Variants in CDH15 observed in about 807,000 individuals in gnomAD.
CDH15 encodes cadherin-15.
In CDH15, 73 loss-of-function variants were observed where a neutral mutation model predicts 69.4. The ratio of observed to expected loss-of-function variants is 1.05; its 90% confidence interval spans 0.87 to 1.28. The LOEUF is 1.28. Ranked by LOEUF, CDH15 falls within the 50% of genes most tolerant of loss-of-function variation. The pLI is 0.00. For synonymous variants in CDH15, 624 were observed against 507.7 expected (o/e 1.23, Z -3.08); for missense variants, 1,343 against 1,133.6 (o/e 1.18, Z -2.65).
intron 5 of CDH15, chr16:89,185,598 G>T (rs1054045812): frequency 3.7e-6 from 2 of 544,990 alleles, no homozygotes; most frequent in East Asian, 6.3e-5. Flanking sequence ...AAGCAGCCCC[G>T]CCCCTCTCAG....
Position 89,195,167 on chromosome 16 carries a change from A to C in CDH15, c.*12A>C. On this transcript the variant is annotated 3_prime_UTR_variant, in exon 14 of 14. Transcript: ENST00000289746. ...GCCGGACAGCCTGACCCTGGGGCGCAACTGGACATGCCACTCCCCGGCCTC... is the reference window on the plus strand; with the variant it reads ...GCCGGACAGCCTGACCCTGGGGCGCCACTGGACATGCCACTCCCCGGCCTC... 6.4e-7 allele frequency: 1 copy of C among 1,566,878 alleles called. No homozygotes were observed. Among genetic ancestry groups the C allele is most frequent in the Non-Finnish European group, 8.6e-7 (1 of 1,156,822 alleles).
chr16:89,180,974 C>CTTTTTTTTTTTTTTTTTTTTTTTTTTTT lies in CDH15; in HGVS notation c.357+632_357+633insTTTTTTTTTTTTTTTTTTTTTTTTTTTT, dbSNP rs770080908. ...TCCTGAGTGAGCCACCGCGCCCGAC[C>CTTTTTTTTTTTTTTTTTTTTTTTTTTTT]TTTTTTTTTTTTTGAGATGGAGCTT... On this transcript the variant is annotated intron_variant, in intron 3 of 13. Transcript: ENST00000289746. Among the ~76,000 whole-genome samples the CTTTTTTTTTTTTTTTTTTTTTTTTTTTT allele has an allele frequency of 1.1e-4, 11 of 96,996 alleles. 2 individuals are homozygous for CTTTTTTTTTTTTTTTTTTTTTTTTTTTT. The highest frequency in any genetic ancestry group is 4.7e-4 in the African/African-American group (11 of 23,450). The allele number at this position is 96,996 out of a possible 152,430, so 63.6% of individuals were successfully genotyped here.
In CDH15 at chr16:89,171,970, TG is replaced by T; in HGVS notation, c.42+99del. On this transcript the variant is annotated intron_variant, in intron 1 of 13. Transcript: ENST00000289746. Reference sequence around the variant, plus strand: ...CCGCACAGGTCTCCCCCAGAACCACTGGCCCTGGTCGCCTTTGGGGGCCTGT... The same window carrying T: ...CCGCACAGGTCTCCCCCAGAACCACTGCCCTGGTCGCCTTTGGGGGCCTGT... 7 of 1,328,328 alleles carry T rather than the reference TG, an allele frequency of 5.3e-6. No individual in the cohort carries two copies. The South Asian group carries it at 6.3e-5, about 12-fold the overall frequency. 82.3% of individuals were successfully genotyped at this position (1,328,328 alleles called of 1,614,324 possible). A position where few individuals can be genotyped will look rare whatever the true frequency, so the allele number is the denominator to read the frequency against.
intron 10 of CDH15, 30 bp from the exon 11 acceptor site, chr16:89,192,175 G>A (rs1288826391): frequency 2.0e-6 from 3 of 1,511,948 alleles, no homozygotes; most frequent in African/African-American, 1.4e-5. Context: ...GCCTCGGGAG[G>A]CCCTCGCTCA....
At chr16:89,185,359 C>T (rs1915460795) in intron 5 of CDH15, 26 bp downstream of exon 5, 2 of 1,575,788 alleles carry the variant, frequency 1.3e-6, no homozygotes, top group Non-Finnish European at 1.7e-6. Flanking sequence ...GGCAGCTCCA[C>T]ACCCGCACGG....
chr16:89,189,241 GCA>G (rs1258095746), intron 7 of CDH15, among the ~76,000 whole-genome samples: 2 of 115,794 alleles, frequency 1.7e-5, no homozygotes, highest in African/African-American at 3.3e-5. Context: ...ACAGATGCTG[GCA>G]CACACAGATG....
chr16:89,187,540 G>A lies in CDH15; in HGVS notation c.775G>A (p.Glu259Lys), dbSNP rs1432930737. The change falls in exon 6 of 14, where the codon GAG (glutamate) becomes AAG (lysine). Residue 259 changes from glutamate (E) to lysine (K), a missense_variant. Physicochemically the swap from Glu to Lys is moderately conservative, Grantham distance 56. Coordinates refer to ENST00000289746, the MANE Select transcript of CDH15 (RefSeq NM_004933.3). The part of the protein sequence containing the change: ...TLDDINDNAP[E>K]FTRDEFFMEA... ...TGATGACATCAATGACAATGCCCCC[G>A]AGTTCACCAGGGATGAGGTGCTGCT... 23 of 1,613,480 alleles carry A rather than the reference G, an allele frequency of 1.4e-5. No individual in the cohort carries two copies. Among genetic ancestry groups the A allele is most frequent in the African/African-American group, 2.7e-5 (2 of 74,946 alleles).
Position 89,191,373 on chromosome 16 carries a change from G to T in CDH15, c.1276G>T (p.Ala426Ser). The T allele has an allele frequency of 3.7e-6, 6 of 1,612,112 alleles. No individual in the cohort carries two copies. Among genetic ancestry groups the T allele is most frequent in the East Asian group, 2.2e-5 (1 of 44,884 alleles). Residue 426 changes from alanine (A) to serine (S), a missense_variant, in exon 9 of 14, where the codon GCA becomes TCA. Coordinates refer to ENST00000289746, the MANE Select transcript of CDH15 (RefSeq NM_004933.3). Reference sequence around the variant, plus strand: ...CCCGGAAGACTGGCTGCAAGTGGACGCAGCCACTGGCCGGATCCAGACCCA... The same window carrying T: ...CCCGGAAGACTGGCTGCAAGTGGACTCAGCCACTGGCCGGATCCAGACCCA... ...YDPEDWLQVD[A>S]ATGRIQTQHV...
chr16:89,180,444 G>A (rs1254095708), intron 3 of CDH15, 89 bp downstream of exon 3: 27 of 1,412,724 alleles, frequency 1.9e-5, no homozygotes, highest in African/African-American at 9.9e-5. Context: ...TCTCCTCCCC[G>A]CTCGGTGGGC....
At chr16:89,181,902 G>A (rs1484627124) in intron 3 of CDH15, among the ~76,000 whole-genome samples, 1 of 150,992 alleles carries the variant, frequency 6.6e-6, no homozygotes, top group African/African-American at 2.4e-5. Flanking sequence ...CCTCGCCACT[G>A]CACTCCAGCC....
chr16:89,180,502 T>G (rs1915352790), intron 3 of CDH15, 147 bp downstream of exon 3: 1 of 940,182 alleles, frequency 1.1e-6, no homozygotes, highest in African/African-American at 1.6e-5. Context: ...AGGGGGCAGG[T>G]ACAGGGGTTT....
Position 89,187,467 on chromosome 16 carries a change from C to T in CDH15, c.702C>T (p.Asp234=). The T allele has an allele frequency of 6.2e-7, 1 of 1,613,600 alleles. No individual in the cohort carries two copies. The highest frequency in any genetic ancestry group is 8.5e-7 in the Non-Finnish European group (1 of 1,180,030). Reference sequence around the variant, plus strand: ...ACAATCTGACCCTGCAGGTGGCGGACATGTCTGGAGACGGCCTCACAGCCA... The same window carrying T: ...ACAATCTGACCCTGCAGGTGGCGGATATGTCTGGAGACGGCCTCACAGCCA... ...AVYNLTLQVA[D]MSGDGLTATA... The change falls in exon 6 of 14, where the codon GAC becomes GAT. Residue 234 remains aspartate (D), a synonymous_variant. Coordinates refer to ENST00000289746, the MANE Select transcript of CDH15 (RefSeq NM_004933.3).
rs921763106 is a variant in CDH15, at chr16:89,191,913, C to T, written c.1615+19C>T. 7.8e-6 allele frequency: 12 copies of T among 1,533,538 alleles called. No homozygotes were observed. Among genetic ancestry groups the T allele is most frequent in the Non-Finnish European group, 9.6e-6 (11 of 1,144,548 alleles). 95.0% of individuals were successfully genotyped at this position (1,533,538 alleles called of 1,614,324 possible). A position where few individuals can be genotyped will look rare whatever the true frequency, so the allele number is the denominator to read the frequency against. On this transcript the variant is annotated intron_variant, in intron 10 of 13. Coordinates refer to ENST00000289746, the MANE Select transcript of CDH15 (RefSeq NM_004933.3). ...GTCAACGGTGCGCTCCCCTCACCGC[C>T]GCGCTCCCCCCATCCCCACGCTCCC... is the stretch of plus-strand genomic sequence containing the variant.
chr16:89,190,403 T>A lies in CDH15; in HGVS notation c.1139T>A (p.Leu380His), dbSNP rs752188268. The A allele has an allele frequency of 2.3e-5, 37 of 1,612,498 alleles. No individual in the cohort carries two copies. The highest frequency in any genetic ancestry group is 3.1e-5 in the Non-Finnish European group (37 of 1,179,892). Reference sequence around the variant, plus strand: ...CCCCCCGTGTTCCAGGAGAACCCACTTCGGACCAGCCTAGCAGAGGGGGCA... The same window carrying A: ...CCCCCCGTGTTCCAGGAGAACCCACATCGGACCAGCCTAGCAGAGGGGGCA... ...NEPPVFQENPLRTSLAEGAPP... is the reference protein window; with the variant it reads ...NEPPVFQENPHRTSLAEGAPP... Residue 380 changes from leucine (L) to histidine (H), a missense_variant, in exon 8 of 14, where the codon CTT (leucine) becomes CAT (histidine). Coordinates refer to ENST00000289746, the MANE Select transcript of CDH15 (RefSeq NM_004933.3).
intron 5 of CDH15, chr16:89,185,951 A>C (rs1915473914): frequency 6.2e-6 from 1 of 161,858 alleles, no homozygotes; most frequent in Non-Finnish European, 1.3e-5. Flanking sequence ...GTGCTCTGTA[A>C]ACGCTTACCC....
chr16:89,174,387 A>G (rs1314491988), intron 1 of CDH15, among the ~76,000 whole-genome samples: 2 of 152,092 alleles, frequency 1.3e-5, no homozygotes, highest in Admixed American at 1.3e-4. Context: ...GCGTGTTCCT[A>G]GAATCTCGTA....
intron 13 of CDH15, among the ~76,000 whole-genome samples, chr16:89,194,658 G>A (rs910882864): frequency 1.3e-5 from 2 of 152,168 alleles, no homozygotes; most frequent in African/African-American, 4.8e-5. Flanking sequence ...ACTGAGGAAG[G>A]GGGTAGTCCG....
intron 11 of CDH15, 62 bp from the exon 12 acceptor site, chr16:89,193,408 A>C (rs1200058935): frequency 3.7e-6 from 4 of 1,084,056 alleles, no homozygotes; most frequent in Non-Finnish European, 4.9e-6. Context: ...CCTCCTTCGC[A>C]GCCCGGCCCC....
At chr16:89,193,657 G>T in intron 12 of CDH15, 51 bp downstream of exon 12, 6 of 1,566,974 alleles carry the variant, frequency 3.8e-6, no homozygotes, top group Non-Finnish European at 5.2e-6. Context: ...CCCAGGTCGC[G>T]GGCCTTCTTA....
Sources: allele counts gnomAD v4.1 joint callset (sites outside exome capture counted in the v4.1 genomes callset), GRCh38; gene constraint gnomAD v4.1.1; transcripts MANE v1.5; gene names NCBI Gene and HGNC (gene_info 2026-07-23, HGNC 2026-07-21).